Variants in AMY2B observed in about 807,000 individuals in gnomAD.
AMY2B encodes the protein alpha-amylase 2B.
A neutral mutation model predicts 59.3 loss-of-function variants in AMY2B; 63 were observed. The observed-to-expected ratio is 1.06, with a 90% CI of 0.87 to 1.31. The LOEUF (loss-of-function observed/expected upper bound fraction) is 1.31, where lower values mean the gene tolerates loss of function less well. AMY2B is among the 50% of genes most tolerant of loss of function. The pLI, the probability that AMY2B is intolerant of heterozygous loss-of-function variation, is 0.00. For synonymous variants in AMY2B, 180 were observed against 198.1 expected (o/e 0.91, Z 0.77); for missense variants, 635 against 626.7 (o/e 1.01, Z -0.14).
At chr1:103,565,038 T>C (rs1651859842) in intron 1 of AMY2B, 1 of 152,122 alleles carries the variant, frequency 6.6e-6, no homozygotes, top group Non-Finnish European at 1.5e-5. Flanking sequence ...CTCCACCAAG[T>C]CTGTTATATC....
chr1:103,574,392 A>C lies in AMY2B; in HGVS notation c.877A>C (p.Lys293Gln). ...KWNGEKMSYL[K>Q]NWGEGWGFMP... Reference sequence around the variant, plus strand: ...GAATGGAGAGAAGATGTCTTACCTAAAGTAAATAAATACAACTTTTCCCCT... The same window carrying C: ...GAATGGAGAGAAGATGTCTTACCTACAGTAAATAAATACAACTTTTCCCCT... Residue 293 changes from lysine (K) to glutamine (Q), a missense_variant and splice_region_variant, in exon 5 of 10, where the codon AAG becomes CAG. Physicochemically the swap from Lys to Gln is moderately conservative, Grantham distance 53. Transcript: ENST00000684275. 6.2e-7 allele frequency: 1 copy of C among 1,611,366 alleles called. No individual in the cohort carries two copies. Among genetic ancestry groups the C allele is most frequent in the African/African-American group, 1.3e-5 (1 of 74,982 alleles).
chr1:103,558,871 A>G (rs1171470456), intron 1 of AMY2B, among the ~76,000 whole-genome samples: 1 of 152,124 alleles, frequency 6.6e-6, no homozygotes, highest in Non-Finnish European at 1.5e-5. Context: ...AGGATAAGAC[A>G]AGAGAAAGGA....
chr1:103,576,111 G>A (rs1464048255), intron 7 of AMY2B, among the ~76,000 whole-genome samples: 1 of 152,112 alleles, frequency 6.6e-6, no homozygotes, highest in Non-Finnish European at 1.5e-5. Flanking sequence ...GTATGGTAAA[G>A]ACATTTATCT....
chr1:103,559,720 G>A (rs939210723), intron 1 of AMY2B, among the ~76,000 whole-genome samples: 2 of 152,058 alleles, frequency 1.3e-5, no homozygotes, highest in African/African-American at 4.8e-5. Flanking sequence ...GTGAAATGAT[G>A]TTCAGTCTTG....
At chr1:103,569,803 G>A (rs1652048663), upstream of AMY2B, 1 of 452,776 alleles carries the variant, frequency 2.2e-6, no homozygotes, top group South Asian at 1.8e-5. Context: ...ACATAGAGAA[G>A]ATCTGGCATC....
At chr1:103,578,925 C>T (rs564258109) in intron 9 of AMY2B, among the ~76,000 whole-genome samples, 191 of 152,060 alleles carry the variant, frequency 1.3e-3, no homozygotes, top group Admixed American at 2.2e-3. Flanking sequence ...GTGGGTGCAG[C>T]GCACCAGCAT....
chr1:103,565,024 C>G (rs1472327645), intron 1 of AMY2B: 1 of 152,052 alleles, frequency 6.6e-6, no homozygotes, highest in African/African-American at 2.4e-5. Flanking sequence ...ATTTTCTGTA[C>G]AGTCTCCACC....
chr1:103,571,815 T>C (rs1297548932), intron 1 of AMY2B, 45 bp downstream of exon 1: 1 of 1,611,840 alleles, frequency 6.2e-7, no homozygotes, highest in East Asian at 2.2e-5. Flanking sequence ...ACTATGCTTG[T>C]AGTAAATAGT....
intron 1 of AMY2B, among the ~76,000 whole-genome samples, chr1:103,563,047 TAC>T (rs1651785735): frequency 6.6e-6 from 1 of 152,042 alleles, no homozygotes; most frequent in African/African-American, 2.4e-5. Flanking sequence ...ATTGAAAAAA[TAC>T]TTTTGAGACC....
At chr1:103,572,043 T>C in intron 1 of AMY2B, 67 bp from the exon 2 acceptor site, 9 of 1,599,612 alleles carry the variant, frequency 5.6e-6, no homozygotes, top group Non-Finnish European at 7.7e-6. Flanking sequence ...TATTATTGAT[T>C]AGTTTCTAGA....
chr1:103,567,043 TTAATTA>T (rs1651932619), upstream of AMY2B, among the ~76,000 whole-genome samples: 1 of 152,272 alleles, frequency 6.6e-6, no homozygotes, highest in South Asian at 2.1e-4. Context: ...AAGTAAATTG[TTAATTA>T]TAATATACTT....
intron 2 of AMY2B, among the ~76,000 whole-genome samples, chr1:103,566,377 T>A (rs1377926784): frequency 6.6e-6 from 1 of 152,172 alleles, no homozygotes; most frequent in Non-Finnish European, 1.5e-5. Flanking sequence ...AAATCATATA[T>A]GTAATTTAAC....
chr1:103,577,144 A>G (rs1037703846), intron 7 of AMY2B, among the ~76,000 whole-genome samples: 16 of 152,150 alleles, frequency 1.1e-4, no homozygotes, highest in African/African-American at 1.9e-4. Context: ...AGGCTGAGAT[A>G]GGAGGATCGC....
upstream of AMY2B, chr1:103,568,749 T>C (rs1305734538): frequency 6.6e-6 from 1 of 151,652 alleles, no homozygotes; most frequent in Non-Finnish European, 1.5e-5. Context: ...TATACACACA[T>C]ATATAAAGAC....
rs1652411082 is a variant in AMY2B at position 103,577,603 on chromosome 1, A to G, written c.1215A>G (p.Gln405=). Residue 405 remains glutamine, a synonymous_variant, in exon 8 of 10, where the codon CAA becomes CAG. Transcript: ENST00000684275. Reference sequence around the variant, plus strand: ...GGGTCTGTGAACATCGATGGCGCCAAATAAGGTGAGAATATGTATTTAGAC... The same window carrying G: ...GGGTCTGTGAACATCGATGGCGCCAGATAAGGTGAGAATATGTATTTAGAC... The part of the protein sequence containing the change: ...NDWVCEHRWR[Q]IRNMVNFRNV... 6.2e-7 allele frequency: 1 copy of G among 1,611,912 alleles called. No homozygotes were observed. Among genetic ancestry groups the G allele is most frequent in the African/African-American group, 1.3e-5 (1 of 74,962 alleles).
exon 1 of AMY2B, chr1:103,554,983 A>T (rs1248847809): frequency 6.6e-6 from 1 of 152,158 alleles, no homozygotes; most frequent in Non-Finnish European, 1.5e-5. Flanking sequence ...TTTTTAAACT[A>T]ATGACCTGTG....
chr1:103,579,238 G>A, intron 9 of AMY2B, 73 bp from the exon 10 acceptor site: 1 of 1,610,266 alleles, frequency 6.2e-7, no homozygotes, highest in Non-Finnish European at 8.5e-7. Context: ...ATAAAGTTAT[G>A]CTGTTTAGTT....
upstream of AMY2B, among the ~76,000 whole-genome samples, chr1:103,568,091 G>GTACTGTTGCTAT (rs1651971515): frequency 1.3e-5 from 2 of 152,178 alleles, no homozygotes; most frequent in Admixed American, 1.3e-4. Context: ...ATCACTGTTA[G>GTACTGTTGCTAT]TACTGTTGCT....
chr1:103,555,290 A>G (rs1050958717), intron 1 of AMY2B: 13 of 151,622 alleles, frequency 8.6e-5, no homozygotes, highest in Non-Finnish European at 1.9e-4. Flanking sequence ...GGAAAACATA[A>G]TATTATAAAA....
Sources: gnomAD v4.1 joint callset for allele counts (sites outside exome capture counted in the v4.1 genomes callset) on GRCh38, gnomAD v4.1.1 for gene constraint, MANE v1.5 for transcripts, NCBI Gene and HGNC (gene_info 2026-07-23, HGNC 2026-07-21) for gene names.